The following CPSF6 variants were observed in gnomAD, a reference collection of about 807,000 sequenced individuals.
CPSF6 encodes cleavage and polyadenylation specificity factor subunit 6.
CPSF6 carries 10 observed loss-of-function variants against 56.7 expected under a neutral mutation model. The observed-to-expected ratio is 0.18, with a 90% CI of 0.11 to 0.30. The LOEUF (loss-of-function observed/expected upper bound fraction) is 0.30, where lower values mean the gene tolerates loss of function less well. CPSF6 is among the 10% of genes least tolerant of loss of function. The probability of loss-of-function intolerance (pLI) is 1.00; values close to 1 mark genes in which losing one functional copy is unlikely to be tolerated. For missense variants in CPSF6, 419 were observed against 722.9 expected (o/e 0.58, Z 4.82); for synonymous variants, 248 against 244.8 (o/e 1.01, Z -0.12).
rs1872759218 is a variant in CPSF6 at position 69,261,923 on chromosome 12, C to A, written c.1470-450C>A. ...GAAGGTTTCTTTGTGTTGGATGCTG[C>A]TCATGAACCATATGTTAAGAGGTTG... On this transcript the variant is annotated intron_variant, in intron 8 of 9. Transcript: ENST00000435070. Among the ~76,000 whole-genome samples the A allele has an allele frequency of 2.0e-5, 3 of 152,134 alleles. No homozygotes were observed. The South Asian group carries it at 6.2e-4, about 31-fold the overall frequency.
rs1873159050 is a variant in CPSF6 at position 69,269,822 on chromosome 12, G to A, written c.*314G>A. On this transcript the variant is annotated 3_prime_UTR_variant, in exon 10 of 10. Coordinates refer to ENST00000435070, the MANE Select transcript of CPSF6 (RefSeq NM_007007.3). ...TGCAAGCAATTGGAAAAAAAGTCAA[G>A]TAAATGCTTGTTTTTGTAGTAGTTT... The A allele has an allele frequency of 5.5e-6, 1 of 182,644 alleles. No homozygotes were observed. Among genetic ancestry groups the A allele is most frequent in the South Asian group, 9.7e-5 (1 of 10,318 alleles). 11.3% of individuals were successfully genotyped at this position (182,644 alleles called of 1,614,324 possible).
At chr12:69,255,510 T>C (rs1872464329) in intron 3 of CPSF6, among the ~76,000 whole-genome samples, 1 of 152,234 alleles carries the variant, frequency 6.6e-6, no homozygotes, top group Non-Finnish European at 1.5e-5. Context: ...TCATCAGCAA[T>C]GTGCAATGGT....
rs757660413 is a variant in CPSF6 at position 69,262,354 on chromosome 12, C to G, written c.1470-19C>G. 1 of 1,548,692 alleles carries G rather than the reference C, an allele frequency of 6.5e-7. No homozygotes were observed. The highest frequency in any genetic ancestry group is 8.8e-7 in the Non-Finnish European group (1 of 1,142,284). On this transcript the variant is annotated intron_variant, in intron 8 of 9. Transcript: ENST00000435070. ...TATCTAATTATGGAGAGCATTAATC[C>G]AGTAATTTCTTTTAGAAGACGTGAA...
chr12:69,256,673 C>T (rs766634095), intron 3 of CPSF6, 24 bp from the exon 4 acceptor site: 2 of 1,593,344 alleles, frequency 1.3e-6, no homozygotes, highest in Non-Finnish European at 1.7e-6. Context: ...TACTTTGTAT[C>T]CTCACCCCTT....
At chr12:69,265,596 TA>T (rs1872937543) in intron 9 of CPSF6, among the ~76,000 whole-genome samples, 1 of 139,404 alleles carries the variant, frequency 7.2e-6, no homozygotes, top group South Asian at 2.3e-4. Flanking sequence ...GCTATCTGAT[TA>T]CTTTTTTTTT....
intron 2 of CPSF6, chr12:69,252,017 C>T (rs545033953): frequency 6.6e-6 from 3 of 455,590 alleles, no homozygotes; most frequent in African/African-American, 4.0e-5. Flanking sequence ...ATCAATAAAA[C>T]TTGGCACCCT....
chr12:69,263,989 C>T (rs1426886362), intron 9 of CPSF6, among the ~76,000 whole-genome samples: 1 of 152,016 alleles, frequency 6.6e-6, no homozygotes, highest in Non-Finnish European at 1.5e-5. Context: ...ACTTTTAAAA[C>T]TAAGCTTATT....
rs962138507 is a variant in CPSF6, at chr12:69,257,827, C to T, written c.616C>T (p.Arg206Cys). ...TCCACAAGGTGGTAGAGGACGGGGC[C>T]GTTTTCCAGGGGCTGTTCCTGGTGG... ...AFPQGGRGRG[R>C]FPGAVPGGDR... is the part of the protein sequence containing the mutation. Residue 206 changes from arginine (R) to cysteine (C), a missense_variant, in exon 5 of 10, where the codon CGT becomes TGT. By Grantham distance (180) the Arg-to-Cys change is radical. Around this residue, in one of 4 missense-constraint regions of CPSF6, gnomAD observed 211 missense variants for 296.0 expected, o/e 0.71. Coordinates refer to ENST00000435070, the MANE Select transcript of CPSF6 (RefSeq NM_007007.3). 2 of 1,613,046 alleles carry T rather than the reference C, an allele frequency of 1.2e-6. No individual in the cohort carries two copies. Among genetic ancestry groups the T allele is most frequent in the Non-Finnish European group, 1.7e-6 (2 of 1,179,772 alleles).
intron 3 of CPSF6, among the ~76,000 whole-genome samples, chr12:69,255,966 G>C (rs1323569535): frequency 6.6e-6 from 1 of 152,196 alleles, no homozygotes; most frequent in Non-Finnish European, 1.5e-5. Context: ...GTAGCAAAAA[G>C]TGGAAGCAAC....
chr12:69,246,204 A>G (rs1164572008), intron 1 of CPSF6, among the ~76,000 whole-genome samples: 1 of 152,260 alleles, frequency 6.6e-6, no homozygotes, highest in Non-Finnish European at 1.5e-5. Flanking sequence ...TTTTTATGTC[A>G]TGAATCATTT....
At chr12:69,247,540 A>G (rs1163671493) in intron 1 of CPSF6, among the ~76,000 whole-genome samples, 2 of 152,196 alleles carry the variant, frequency 1.3e-5, no homozygotes, top group Admixed American at 1.3e-4. Context: ...ATTAAAATTA[A>G]AAGTAATAAT....
At chr12:69,250,571 T>TAGCG (rs2120493068) in intron 1 of CPSF6, among the ~76,000 whole-genome samples, 2 of 125,872 alleles carry the variant, frequency 1.6e-5, no homozygotes, top group African/African-American at 6.1e-5. Context: ...GTGGGCAATG[T>TAGCG]AGCGAGACCT....
At chr12:69,243,367 CAT>C (rs577110945) in intron 1 of CPSF6, among the ~76,000 whole-genome samples, 34 of 152,324 alleles carry the variant, frequency 2.2e-4, no homozygotes, top group African/African-American at 6.7e-4. Context: ...GTTCTACAAT[CAT>C]GTGTCGCTTC....
intron 1 of CPSF6, among the ~76,000 whole-genome samples, chr12:69,241,024 C>G (rs1871590576): frequency 6.6e-6 from 1 of 152,160 alleles, no homozygotes; most frequent in Non-Finnish European, 1.5e-5. Flanking sequence ...CATTAACCAT[C>G]ATATTCGTGA....
chr12:69,265,289 A>G (rs1373741233), intron 9 of CPSF6, among the ~76,000 whole-genome samples: 1 of 152,174 alleles, frequency 6.6e-6, no homozygotes, highest in Non-Finnish European at 1.5e-5. Context: ...TCTGAGCAAA[A>G]TAAAAGTAGT....
intron 6 of CPSF6, 80 bp downstream of exon 6, chr12:69,259,174 TAA>T: frequency 7.0e-7 from 1 of 1,434,064 alleles, no homozygotes; most frequent in East Asian, 2.4e-5. Flanking sequence ...TGTAGGTATA[TAA>T]ATATGTTATT....
In CPSF6 at chr12:69,270,118, TTAAG is replaced by T. The variant is rs1268905417; in HGVS notation, c.*612_*615del. 3.3e-5 allele frequency: 5 copies of T among 152,324 alleles called. No individual in the cohort carries two copies. Among genetic ancestry groups the T allele is most frequent in the East Asian group, 1.9e-4 (1 of 5,190 alleles). The allele number at this position is 152,324 out of a possible 1,614,324, so 9.4% of individuals were successfully genotyped here. A position where few individuals can be genotyped will look rare whatever the true frequency, so the allele number is the denominator to read the frequency against. ...GCGTTCAGTGAATTAAACATAGTAA[TTAAG>T]TGTCTTTTGCCCTTGATTTTGATAT... On this transcript the variant is annotated 3_prime_UTR_variant, in exon 10 of 10. Transcript: ENST00000435070.
intron 1 of CPSF6, among the ~76,000 whole-genome samples, chr12:69,245,096 TAAAA>T (rs11317829): frequency 6.5e-5 from 9 of 138,032 alleles, no homozygotes; most frequent in Admixed American, 2.2e-4. Context: ...CGTCTCTATT[TAAAA>T]AAAAAAAAAA....
chr12:69,253,946 C>T (rs1340224466), intron 3 of CPSF6, among the ~76,000 whole-genome samples: 3 of 151,998 alleles, frequency 2.0e-5, no homozygotes, highest in African/African-American at 7.2e-5. Context: ...GTTAGATGCA[C>T]AATGATAAAG....
Sources: allele counts gnomAD v4.1 joint callset (sites outside exome capture counted in the v4.1 genomes callset), GRCh38; gene constraint gnomAD v4.1.1; regional missense constraint gnomAD v4.1.1; transcripts MANE v1.5; gene names NCBI Gene and HGNC (gene_info 2026-07-23, HGNC 2026-07-21).